The following MITF variants were observed in gnomAD, a reference collection of about 807,000 sequenced individuals.
MITF encodes microphthalmia-associated transcription factor.
Under a neutral mutation model 60.5 loss-of-function variants are expected in MITF, and 17 were observed. That is an observed-to-expected ratio of 0.28 (90% CI 0.19 to 0.42). The LOEUF is 0.42. Ranked by LOEUF, MITF falls within the 10% of genes least tolerant of loss-of-function variation. The pLI, the probability that MITF is intolerant of heterozygous loss-of-function variation, is 1.00. For missense variants in MITF, 622 were observed against 683.5 expected (o/e 0.91, Z 1.00); for synonymous variants, 260 against 248.5 (o/e 1.05, Z -0.43).
intron 2 of MITF, chr3:69,936,679 A>G: frequency 6.2e-7 from 1 of 1,612,456 alleles, no homozygotes; most frequent in Non-Finnish European, 8.5e-7. Flanking sequence ...AGGGAGGGAT[A>G]GTCTACCGTC....
intron 9 of MITF, among the ~76,000 whole-genome samples, chr3:69,961,550 C>CA (rs36044055): frequency 0.01 from 1,285 of 126,942 alleles, 3 homozygotes; most frequent in African/African-American, 0.017. Flanking sequence ...ACCAAAAATA[C>CA]AAAAAAAAAA....
rs117106918 is a variant in MITF at position 69,790,841 on chromosome 3, G to A, written c.104+51140G>A. Among the ~76,000 whole-genome samples, 3 of 152,206 alleles carry A rather than the reference G, an allele frequency of 2.0e-5. No individual in the cohort carries two copies. In the East Asian group the frequency reaches 5.8e-4, roughly 29 times the overall value. ...ATTCAGATTCATTTCTCTCACTCTC[G>A]AATTTCTTATACAAGACCCAAGTCC... On this transcript the variant is annotated intron_variant, in intron 1 of 9. Transcript: ENST00000352241.
intron 1 of MITF, among the ~76,000 whole-genome samples, chr3:69,856,313 CATACATGGAAGCCACGA>C (rs1367004068): frequency 6.6e-6 from 1 of 152,086 alleles, no homozygotes. Flanking sequence ...GAAATGTTAT[CATACATGGAAGCCACGA>C]ATGGAAATAG....
intron 2 of MITF, chr3:69,936,839 CAT>C: frequency 7.9e-7 from 1 of 1,271,648 alleles, no homozygotes; most frequent in Non-Finnish European, 1.1e-6. Flanking sequence ...TTGTAATAGA[CAT>C]ACTGTTTTCA....
At chr3:69,797,756 A>G (rs1409928409) in intron 1 of MITF, among the ~76,000 whole-genome samples, 1 of 152,184 alleles carries the variant, frequency 6.6e-6, no homozygotes, top group Non-Finnish European at 1.5e-5. Flanking sequence ...ATGTTGGTGG[A>G]AATACCCAAC....
intron 2 of MITF, among the ~76,000 whole-genome samples, chr3:69,913,050 C>A (rs912510385): frequency 4.6e-5 from 7 of 151,906 alleles, no homozygotes; most frequent in Admixed American, 1.3e-4. Context: ...GGAAAGTTGT[C>A]TAGGATATAT....
chr3:69,760,554 A>G (rs766958689), intron 1 of MITF, among the ~76,000 whole-genome samples: 10 of 152,336 alleles, frequency 6.6e-5, no homozygotes, highest in Admixed American at 5.2e-4. Flanking sequence ...GTTACTCAGA[A>G]ATCTCTAGAA....
intron 1 of MITF, among the ~76,000 whole-genome samples, chr3:69,772,386 C>T (rs773261894): frequency 6.6e-6 from 1 of 152,178 alleles, no homozygotes; most frequent in Non-Finnish European, 1.5e-5. Flanking sequence ...AATGTTGGTT[C>T]ATGCCAGAAA....
chr3:69,896,387 C>A (rs2064876712), intron 2 of MITF, among the ~76,000 whole-genome samples: 1 of 152,154 alleles, frequency 6.6e-6, no homozygotes, highest in Non-Finnish European at 1.5e-5. Context: ...AAGGCTGTCT[C>A]TGGGATCAGA....
At chr3:69,822,319 C>G (rs1166682615) in intron 1 of MITF, among the ~76,000 whole-genome samples, 2 of 152,208 alleles carry the variant, frequency 1.3e-5, no homozygotes, top group Admixed American at 6.5e-5. Context: ...GGCCCTTTAC[C>G]TACAAAGCTT....
At chr3:69,841,295 T>G (rs2063631995) in intron 1 of MITF, among the ~76,000 whole-genome samples, 1 of 152,256 alleles carries the variant, frequency 6.6e-6, no homozygotes, top group Admixed American at 6.5e-5. Context: ...GCAATCTTCA[T>G]GACACTTTAA....
intron 1 of MITF, among the ~76,000 whole-genome samples, chr3:69,852,405 C>T (rs2063840238): frequency 6.6e-6 from 1 of 152,172 alleles, no homozygotes; most frequent in South Asian, 2.1e-4. Context: ...TATTTAACTT[C>T]ATACAAATGA....
chr3:69,881,915 A>AGGT (rs2107287776), intron 2 of MITF, among the ~76,000 whole-genome samples: 1 of 152,238 alleles, frequency 6.6e-6, no homozygotes, highest in Non-Finnish European at 1.5e-5. Flanking sequence ...TTCTCAGTGG[A>AGGT]GGTAGATGTA....
At chr3:69,915,977 G>A (rs1187725171) in intron 2 of MITF, among the ~76,000 whole-genome samples, 1 of 152,174 alleles carries the variant, frequency 6.6e-6, no homozygotes, top group Non-Finnish European at 1.5e-5. Context: ...TCTAGAGTAG[G>A]AGGATGATTC....
At chr3:69,796,067 C>A (rs1336632377) in intron 1 of MITF, among the ~76,000 whole-genome samples, 1 of 152,106 alleles carries the variant, frequency 6.6e-6, no homozygotes, top group Non-Finnish European at 1.5e-5. Context: ...CTGCAGCCGC[C>A]GTCTCCTGGG....
chr3:69,879,067 C>A, intron 1 of MITF, 67 bp from the exon 2 acceptor site: 3 of 1,333,216 alleles, frequency 2.3e-6, no homozygotes, highest in Non-Finnish European at 2.2e-6. Context: ...TTTAGGATAC[C>A]CCCAAAGTGC....
intron 5 of MITF, 83 bp downstream of exon 5, chr3:69,941,414 T>G (rs1553702434): frequency 1.2e-6 from 1 of 802,902 alleles, no homozygotes; most frequent in South Asian, 1.6e-5. Context: ...TATTTTATCT[T>G]TGTAACTGGT....
At chr3:69,745,429 A>T (rs946770171) in intron 1 of MITF, among the ~76,000 whole-genome samples, 1 of 152,214 alleles carries the variant, frequency 6.6e-6, no homozygotes, top group Non-Finnish European at 1.5e-5. Context: ...CAGGGTGGGC[A>T]TCAGCAGTTG....
chr3:69,815,296 C>T (rs967684733), intron 1 of MITF, among the ~76,000 whole-genome samples: 2 of 152,112 alleles, frequency 1.3e-5, no homozygotes, highest in South Asian at 2.1e-4. Context: ...CTCACATTGT[C>T]TAGTAATAAG....
Sources: gnomAD v4.1 joint callset for allele counts (sites outside exome capture counted in the v4.1 genomes callset) on GRCh38, gnomAD v4.1.1 for gene constraint, MANE v1.5 for transcripts, NCBI Gene and HGNC (gene_info 2026-07-23, HGNC 2026-07-21) for gene names.